The following CCSER1 variants were observed in gnomAD, a reference collection of about 807,000 sequenced individuals.
CCSER1 encodes coiled-coil serine rich protein 1, also known as serine-rich coiled-coil domain-containing protein 1.
CCSER1 carries 41 observed loss-of-function variants against 82.0 expected under a neutral mutation model. The ratio of observed to expected loss-of-function variants is 0.50; its 90% CI spans 0.39 to 0.65. The LOEUF is 0.65. Ranked by LOEUF, CCSER1 falls within the 30% of genes least tolerant of loss-of-function variation. The probability of loss-of-function intolerance (pLI) is 0.00; values close to 1 mark genes in which losing one functional copy is unlikely to be tolerated. For synonymous variants in CCSER1, 414 were observed against 383.9 expected, an observed-to-expected ratio of 1.08 and a Z score of -0.92; for missense variants, 1,119 against 1,064.2, an observed-to-expected ratio of 1.05 and a Z score of -0.72.
intron 10 of CCSER1, among the ~76,000 whole-genome samples, chr4:91,162,113 C>T (rs894483567): frequency 6.6e-6 from 1 of 152,082 alleles, no homozygotes; most frequent in Non-Finnish European, 1.5e-5. Context: ...CCATCAATAC[C>T]TAGTTTATTG....
intron 1 of CCSER1, among the ~76,000 whole-genome samples, chr4:90,276,013 C>T (rs1327600257): frequency 6.6e-6 from 1 of 152,198 alleles, no homozygotes; most frequent in Non-Finnish European, 1.5e-5. Context: ...TATGATCTCC[C>T]ATGAGTGGTC....
chr4:90,353,156 A>G (rs562438492), intron 3 of CCSER1, among the ~76,000 whole-genome samples: 1 of 152,288 alleles, frequency 6.6e-6, no homozygotes, highest in Non-Finnish European at 1.5e-5. Flanking sequence ...TCTCGAGTAT[A>G]ACTTAAAGAA....
chr4:90,460,444 G>T (rs1434024580), intron 4 of CCSER1, among the ~76,000 whole-genome samples: 1 of 151,484 alleles, frequency 6.6e-6, no homozygotes, highest in Admixed American at 6.6e-5. Flanking sequence ...AAAATGAAAG[G>T]TTACTATTGG....
chr4:91,496,795 TA>T (rs1175371179), intron 10 of CCSER1, among the ~76,000 whole-genome samples: 2 of 64,332 alleles, frequency 3.1e-5, no homozygotes, highest in Non-Finnish European at 6.4e-5. Context: ...ATTGAATATA[TA>T]TTTGAATATA....
At chr4:90,215,632 T>C (rs1013153522) in intron 1 of CCSER1, among the ~76,000 whole-genome samples, 115 of 152,312 alleles carry the variant, frequency 7.6e-4, no homozygotes, top group African/African-American at 2.7e-3. Flanking sequence ...AGATAAAATA[T>C]ACACAGGGCA....
At chr4:90,977,376 GTA>G (rs780492173) in intron 9 of CCSER1, among the ~76,000 whole-genome samples, 3 of 150,702 alleles carry the variant, frequency 2.0e-5, no homozygotes, top group Non-Finnish European at 4.4e-5. Context: ...ATATACATAC[GTA>G]TATATATATG....
At position 91,486,623 on chromosome 4, in the gene CCSER1, A is replaced by T. The variant is rs528602455; in HGVS notation, c.2218-111949A>T. Among the ~76,000 whole-genome samples, 5 of 152,250 alleles carry T rather than the reference A, an allele frequency of 3.3e-5. No homozygotes were observed. In the South Asian group the frequency reaches 1.0e-3, roughly 32 times the overall value. On this transcript the variant is annotated intron_variant, in intron 10 of 10. Coordinates refer to ENST00000509176, the MANE Select transcript of CCSER1 (RefSeq NM_001145065.2). ...GTATTTTGAAAAATAAAAATAAAAAACACAAATTTAAAAATACAGCATAAC... is the reference window on the plus strand; with the variant it reads ...GTATTTTGAAAAATAAAAATAAAAATCACAAATTTAAAAATACAGCATAAC...
intron 1 of CCSER1, among the ~76,000 whole-genome samples, chr4:90,175,474 A>T (rs1732491050): frequency 6.6e-6 from 1 of 151,936 alleles, no homozygotes. Flanking sequence ...GCCTATACAG[A>T]TTGGCTATCC....
chr4:91,511,610 C>G (rs1028742612), intron 10 of CCSER1, among the ~76,000 whole-genome samples: 1 of 152,100 alleles, frequency 6.6e-6, no homozygotes, highest in African/African-American at 2.4e-5. Flanking sequence ...TGAGCTCCAC[C>G]TCCTGTCAGA....
intron 10 of CCSER1, among the ~76,000 whole-genome samples, chr4:91,348,100 T>C (rs1033577243): frequency 1.3e-5 from 2 of 152,156 alleles, no homozygotes; most frequent in South Asian, 4.1e-4. Flanking sequence ...AAGTATGATG[T>C]TAGCTGTAAG....
chr4:91,214,484 A>G (rs1357145933), intron 10 of CCSER1, among the ~76,000 whole-genome samples: 4 of 152,146 alleles, frequency 2.6e-5, no homozygotes, highest in African/African-American at 7.2e-5. Context: ...TATTATCTTG[A>G]TATTCCCGAA....
At chr4:90,623,499 T>G (rs186651490) in intron 5 of CCSER1, among the ~76,000 whole-genome samples, 174 of 152,294 alleles carry the variant, frequency 1.1e-3, no homozygotes, top group African/African-American at 3.6e-3. Context: ...GAGAGACAGT[T>G]TCTAGACCAT....
chr4:90,253,826 C>T (rs1241619547), intron 1 of CCSER1, among the ~76,000 whole-genome samples: 1 of 149,574 alleles, frequency 6.7e-6, no homozygotes, highest in African/African-American at 2.6e-5. Flanking sequence ...TTGATTGTCT[C>T]TTTCTTTCTT....
chr4:91,520,043 G>T (rs547710281), intron 10 of CCSER1, among the ~76,000 whole-genome samples: 24 of 152,138 alleles, frequency 1.6e-4, no homozygotes, highest in African/African-American at 5.3e-4. Flanking sequence ...ATTTATTTCT[G>T]CCATTTACTA....
intron 1 of CCSER1, among the ~76,000 whole-genome samples, chr4:90,251,702 C>T (rs1043857960): frequency 6.6e-6 from 1 of 151,580 alleles, no homozygotes; most frequent in Non-Finnish European, 1.5e-5. Flanking sequence ...TTAGAGTTTT[C>T]TATTTACTCT....
At chr4:90,292,870 G>C (rs1731178569) in intron 1 of CCSER1, among the ~76,000 whole-genome samples, 1 of 151,782 alleles carries the variant, frequency 6.6e-6, no homozygotes, top group African/African-American at 2.4e-5. Context: ...TACACACACA[G>C]ACACAGAAAT....
At chr4:90,337,664 G>A (rs1014372626) in intron 3 of CCSER1, among the ~76,000 whole-genome samples, 1 of 150,898 alleles carries the variant, frequency 6.6e-6, no homozygotes, top group Non-Finnish European at 1.5e-5. Flanking sequence ...AAAAATTACT[G>A]AGGATCAAAA....
intron 8 of CCSER1, among the ~76,000 whole-genome samples, chr4:90,897,349 C>A (rs1723866867): frequency 6.6e-6 from 1 of 151,848 alleles, no homozygotes; most frequent in African/African-American, 2.4e-5. Flanking sequence ...CATGTGTACC[C>A]CTTATTTCCA....
intron 5 of CCSER1, among the ~76,000 whole-genome samples, chr4:90,548,963 CA>C (rs1777127525): frequency 6.6e-6 from 1 of 151,922 alleles, no homozygotes; most frequent in African/African-American, 2.4e-5. Flanking sequence ...TTCTGGAAAC[CA>C]AGAATTTGCT....
Sources: gnomAD v4.1 joint callset for allele counts (sites outside exome capture counted in the v4.1 genomes callset) on GRCh38, gnomAD v4.1.1 for gene constraint, MANE v1.5 for transcripts, NCBI Gene and HGNC (gene_info 2026-07-23, HGNC 2026-07-21) for gene names.